CSNK1G1: variants seen among roughly 807,000 people sequenced by gnomAD.
CSNK1G1 encodes casein kinase 1 gamma 1, also known as casein kinase I isoform gamma-1.
CSNK1G1 carries 22 observed loss-of-function variants against 59.6 expected under a neutral mutation model. The ratio of observed to expected loss-of-function variants is 0.37; its 90% CI spans 0.26 to 0.53. The LOEUF (loss-of-function observed/expected upper bound fraction) is 0.53. Among genes scored for constraint, CSNK1G1 ranks in the 20% least tolerant of loss-of-function variants. The pLI is 0.89. For missense variants in CSNK1G1, 384 were observed against 519.5 expected (o/e 0.74, Z 2.54); for synonymous variants, 179 against 177.1 (o/e 1.01, Z -0.08).
At chr15:64,198,346 C>T (rs1217627629) in intron 10 of CSNK1G1, among the ~76,000 whole-genome samples, 3 of 151,862 alleles carry the variant, frequency 2.0e-5, no homozygotes, top group Non-Finnish European at 2.9e-5. Context: ...ACTGAGATTA[C>T]AGGCGCCCAC....
At chr15:64,326,702 T>C (rs953164593) in intron 1 of CSNK1G1, among the ~76,000 whole-genome samples, 14 of 151,610 alleles carry the variant, frequency 9.2e-5, no homozygotes, top group African/African-American at 3.4e-4. Context: ...AGCTCCGGTC[T>C]ACAGCTTCCA....
intron 1 of CSNK1G1, among the ~76,000 whole-genome samples, chr15:64,332,034 G>T (rs933768974): frequency 6.6e-6 from 1 of 151,162 alleles, no homozygotes; most frequent in Non-Finnish European, 1.5e-5. Context: ...ACAGGTGCTG[G>T]AGAGGATGTG....
intron 4 of CSNK1G1, among the ~76,000 whole-genome samples, chr15:64,220,501 C>CT (rs58347087): frequency 0.015 from 2,046 of 140,178 alleles, 28 homozygotes; most frequent in African/African-American, 0.046. Flanking sequence ...GTGTATAACT[C>CT]TTTTTTTTTT....
At chr15:64,173,265 A>G (rs545841031) in intron 11 of CSNK1G1, among the ~76,000 whole-genome samples, 1 of 152,320 alleles carries the variant, frequency 6.6e-6, no homozygotes, top group East Asian at 1.9e-4. Flanking sequence ...CCTACATCCA[A>G]TGGACTAGTT....
At chr15:64,319,386 A>G (rs1246174531) in intron 1 of CSNK1G1, among the ~76,000 whole-genome samples, 1 of 152,010 alleles carries the variant, frequency 6.6e-6, no homozygotes, top group East Asian at 1.9e-4. Flanking sequence ...AAAGGATATC[A>G]GGCATCCTGA....
chr15:64,187,358 A>AC (rs796879589), intron 10 of CSNK1G1, among the ~76,000 whole-genome samples: 5 of 145,306 alleles, frequency 3.4e-5, no homozygotes, highest in African/African-American at 7.6e-5. Flanking sequence ...GGCCTGGCTA[A>AC]TTTTTTTTTT....
intron 4 of CSNK1G1, among the ~76,000 whole-genome samples, chr15:64,229,034 A>T (rs544599447): frequency 6.6e-6 from 1 of 151,714 alleles, no homozygotes; most frequent in East Asian, 1.9e-4. Context: ...AAAAAAAAAA[A>T]AAAAGAAAAA....
At chr15:64,181,925 G>A (rs962776447) in intron 10 of CSNK1G1, 2 of 154,790 alleles carry the variant, frequency 1.3e-5, no homozygotes, top group Admixed American at 1.3e-4. Context: ...TAGTCATAAA[G>A]AGGAGGGTGG....
chr15:64,178,213 G>C (rs1320482547), intron 11 of CSNK1G1, among the ~76,000 whole-genome samples: 1 of 152,142 alleles, frequency 6.6e-6, no homozygotes, highest in Non-Finnish European at 1.5e-5. Context: ...ATGTAATTTT[G>C]TATGGAAATC....
chr15:64,239,659 G>C (rs1048693268), intron 4 of CSNK1G1, among the ~76,000 whole-genome samples: 1 of 152,128 alleles, frequency 6.6e-6, no homozygotes, highest in African/African-American at 2.4e-5. Flanking sequence ...GATTACAGGT[G>C]TAAGTCACCC....
At position 64,171,640 on chromosome 15, in the gene CSNK1G1, C is replaced by G; in HGVS notation, c.*291G>C. 2.1e-6 allele frequency: 1 copy of G among 478,946 alleles called. No individual in the cohort carries two copies. The highest frequency in any genetic ancestry group is 2.8e-5 in the South Asian group (1 of 35,520). 29.7% of individuals were successfully genotyped at this position (478,946 alleles called of 1,614,324 possible). ...AGTCCTTGAGTTTTTGTGAATGACA[C>G]CTTCACTGTAAACAATGGGAAGGAG... On this transcript the variant is annotated 3_prime_UTR_variant, in exon 12 of 12. Coordinates refer to ENST00000303052, the MANE Select transcript of CSNK1G1 (RefSeq NM_022048.5). This position sits in a 1 kb window ranked among gnomAD's most constrained non-coding sequence, Gnocchi z 4.8.
intron 1 of CSNK1G1, among the ~76,000 whole-genome samples, chr15:64,325,628 A>G (rs1029311689): frequency 6.6e-6 from 1 of 152,216 alleles, no homozygotes; most frequent in African/African-American, 2.4e-5. Flanking sequence ...ACCTTTAACT[A>G]TTATAACTTT....
chr15:64,346,164 G>A (rs142747299), intron 1 of CSNK1G1, among the ~76,000 whole-genome samples: 261 of 151,848 alleles, frequency 1.7e-3, no homozygotes, highest in African/African-American at 6.1e-3. Flanking sequence ...GGCAAAGGTG[G>A]GCAGATCAGG....
At chr15:64,258,021 T>TG (rs1491502877) in intron 3 of CSNK1G1, among the ~76,000 whole-genome samples, 5 of 152,136 alleles carry the variant, frequency 3.3e-5, no homozygotes, top group African/African-American at 1.2e-4. Flanking sequence ...ATCTGGTAAC[T>TG]GTCAGTTCCT....
In CSNK1G1 at chr15:64,166,218, G is replaced by C; in HGVS notation, c.*5713C>G. 1 of 440,954 alleles carries C rather than the reference G, an allele frequency of 2.3e-6. No homozygotes were observed. Among genetic ancestry groups the C allele is most frequent in the East Asian group, 3.4e-5 (1 of 29,278 alleles). The allele number at this position is 440,954 out of a possible 1,614,324, so 27.3% of individuals were successfully genotyped here. A position where few individuals can be genotyped will look rare whatever the true frequency, so the allele number is the denominator to read the frequency against. On this transcript the variant is annotated 3_prime_UTR_variant, in exon 12 of 12. Transcript: ENST00000303052. The surrounding 1 kb of genome is among the most constrained non-coding windows in gnomAD (Gnocchi z 4.5). ...AATCAACATCCCAACATCTTTTTAA[G>C]AGTACAATGGGCAAAGATCAAAGAC...
At chr15:64,323,212 C>G (rs981486179) in intron 1 of CSNK1G1, among the ~76,000 whole-genome samples, 10 of 152,136 alleles carry the variant, frequency 6.6e-5, no homozygotes, top group African/African-American at 2.4e-4. Flanking sequence ...CAAGTGTAAG[C>G]TAGCACAACC....
At chr15:64,331,422 G>A (rs1803864907) in intron 1 of CSNK1G1, among the ~76,000 whole-genome samples, 1 of 73,676 alleles carries the variant, frequency 1.4e-5, no homozygotes, top group African/African-American at 5.5e-5. Context: ...AACAAGCAAT[G>A]GGGAAAGGAT....
intron 2 of CSNK1G1, among the ~76,000 whole-genome samples, chr15:64,262,040 G>T (rs895820383): frequency 1.1e-4 from 16 of 151,908 alleles, no homozygotes; most frequent in African/African-American, 3.9e-4. Flanking sequence ...TAAAATGAAA[G>T]GTTTTATGAC....
At chr15:64,237,581 A>G (rs370726865) in intron 4 of CSNK1G1, among the ~76,000 whole-genome samples, 6 of 152,278 alleles carry the variant, frequency 3.9e-5, no homozygotes, top group African/African-American at 1.2e-4. Context: ...TTTTTCTAGT[A>G]TATCTTCAGA....
Sources: gnomAD v4.1 joint callset for allele counts (sites outside exome capture counted in the v4.1 genomes callset) on GRCh38, gnomAD v4.1.1 for gene constraint, Gnocchi (gnomAD v3.1) non-coding constraint, MANE v1.5 for transcripts, NCBI Gene and HGNC (gene_info 2026-07-23, HGNC 2026-07-21) for gene names.